TMEM178B: variants seen among roughly 807,000 people sequenced by gnomAD.
TMEM178B encodes transmembrane protein 178B.
A neutral mutation model predicts 31.0 loss-of-function variants in TMEM178B; 5 were observed. That is an observed-to-expected ratio of 0.16 (90% confidence interval 0.08 to 0.34). TMEM178B has a LOEUF of 0.34. Among genes scored for constraint, TMEM178B ranks in the 10% least tolerant of loss-of-function variants. The pLI, the probability that TMEM178B is intolerant of heterozygous loss-of-function variation, is 1.00. For synonymous variants in TMEM178B, 164 were observed against 164.0 expected (o/e 1.00, Z 0.00); for missense variants, 275 against 400.3 (o/e 0.69, Z 2.67).
intron 2 of TMEM178B, among the ~76,000 whole-genome samples, chr7:141,420,162 C>G (rs1801177390): frequency 6.6e-6 from 1 of 151,080 alleles, no homozygotes; most frequent in Admixed American, 6.6e-5. Flanking sequence ...CCCCAACCTA[C>G]TTAATTTTTT....
intron 1 of TMEM178B, among the ~76,000 whole-genome samples, chr7:141,119,618 G>A (rs551475016): frequency 2.0e-5 from 3 of 152,304 alleles, no homozygotes; most frequent in South Asian, 4.1e-4. Context: ...TATTTTGCAG[G>A]TATATTTGTT....
chr7:141,296,218 C>A (rs10808013), intron 2 of TMEM178B, among the ~76,000 whole-genome samples: 58,636 of 151,454 alleles, frequency 0.39, 12,102 homozygotes, highest in Admixed American at 0.48. Context: ...TAGTTGCGTA[C>A]CATCACGCTC....
At chr7:141,361,807 A>G (rs1192256139) in intron 2 of TMEM178B, among the ~76,000 whole-genome samples, 1 of 152,242 alleles carries the variant, frequency 6.6e-6, no homozygotes, top group Non-Finnish European at 1.5e-5. Flanking sequence ...AGAGTAGGAA[A>G]ACAAAAGAAA....
intron 2 of TMEM178B, among the ~76,000 whole-genome samples, chr7:141,285,653 A>G (rs1798437115): frequency 1.3e-5 from 2 of 152,208 alleles, no homozygotes; most frequent in Non-Finnish European, 2.9e-5. Context: ...ACGTATGTTT[A>G]TTGCAGCACT....
intron 2 of TMEM178B, among the ~76,000 whole-genome samples, chr7:141,408,912 A>G (rs1025408627): frequency 6.6e-6 from 1 of 152,174 alleles, no homozygotes; most frequent in Admixed American, 6.6e-5. Context: ...GAGAGCCTCC[A>G]TGAGTTGGGG....
chr7:141,202,050 A>T (rs889419894), intron 1 of TMEM178B, among the ~76,000 whole-genome samples: 17 of 152,266 alleles, frequency 1.1e-4, no homozygotes, highest in African/African-American at 4.1e-4. Flanking sequence ...ATACGTCTCT[A>T]AGCTTCTCAG....
At chr7:141,413,510 A>C (rs1801034044) in intron 2 of TMEM178B, among the ~76,000 whole-genome samples, 1 of 152,168 alleles carries the variant, frequency 6.6e-6, no homozygotes, top group Non-Finnish European at 1.5e-5. Context: ...GTTAAAGAAA[A>C]AGTGCTCTGT....
At chr7:141,099,754 C>T (rs564172425) in intron 1 of TMEM178B, among the ~76,000 whole-genome samples, 308 of 152,012 alleles carry the variant, frequency 2.0e-3, no homozygotes, top group Non-Finnish European at 3.5e-3. Context: ...AAAGCATTGA[C>T]TCCTATATCC....
At chr7:141,398,672 T>A (rs1303083908) in intron 2 of TMEM178B, among the ~76,000 whole-genome samples, 1 of 152,164 alleles carries the variant, frequency 6.6e-6, no homozygotes, top group East Asian at 1.9e-4. Context: ...TTTGCTGGAA[T>A]AATTTGATGG....
At position 141,074,234 on chromosome 7, in the gene TMEM178B, C is replaced by T. The variant is rs1478365564; in HGVS notation, c.-77C>T. 6.3e-6 allele frequency: 9 copies of T among 1,436,740 alleles called. No homozygotes were observed. The highest frequency in any genetic ancestry group is 8.2e-6 in the Non-Finnish European group (9 of 1,098,600). The allele number at this position is 1,436,740 out of a possible 1,614,324, so 89.0% of individuals were successfully genotyped here. On this transcript the variant is annotated 5_prime_UTR_variant, in exon 1 of 4. Transcript: ENST00000565468. This position sits in a 1 kb window ranked among gnomAD's most constrained non-coding sequence, Gnocchi z 5.1. ...CCCCCTCCCCCAGCTCGGCCGCCCG[C>T]CGCTTTGTTCCGGGTGCGGCGAGGG...
intron 1 of TMEM178B, among the ~76,000 whole-genome samples, chr7:141,090,838 G>A (rs1794869320): frequency 6.6e-6 from 1 of 152,106 alleles, no homozygotes; most frequent in Non-Finnish European, 1.5e-5. Flanking sequence ...CACTCCTTAG[G>A]GTCTTACCGA....
chr7:141,176,738 A>G (rs1208595185), intron 1 of TMEM178B, among the ~76,000 whole-genome samples: 1 of 152,068 alleles, frequency 6.6e-6, no homozygotes, highest in Non-Finnish European at 1.5e-5. Flanking sequence ...TTTCTGGTTT[A>G]TTTGCATAGA....
chr7:141,101,640 T>C (rs984128042), intron 1 of TMEM178B, among the ~76,000 whole-genome samples: 1 of 152,242 alleles, frequency 6.6e-6, no homozygotes, highest in African/African-American at 2.4e-5. Context: ...GAGAGACTGA[T>C]GGATAACAGA....
chr7:141,498,517 A>G, the TMEM178B span, among the ~76,000 whole-genome samples: 11 of 152,366 alleles, frequency 7.2e-5, no homozygotes, highest in Non-Finnish European at 1.2e-4. Flanking sequence ...CAGCCTCAAA[A>G]GAACAGAAGA....
intron 1 of TMEM178B, among the ~76,000 whole-genome samples, chr7:141,135,800 TA>T (rs1341559075): frequency 6.6e-6 from 1 of 152,124 alleles, no homozygotes; most frequent in Non-Finnish European, 1.5e-5. Context: ...TCAAATAACC[TA>T]ATGATGCACC....
chr7:141,297,299 T>C (rs1169460478), intron 2 of TMEM178B, among the ~76,000 whole-genome samples: 2 of 152,154 alleles, frequency 1.3e-5, no homozygotes, highest in Non-Finnish European at 2.9e-5. Flanking sequence ...GCCCAAGCAG[T>C]GTTGTGGGAG....
chr7:141,404,973 C>T (rs1004099851), intron 2 of TMEM178B, among the ~76,000 whole-genome samples: 3 of 152,224 alleles, frequency 2.0e-5, no homozygotes, highest in Non-Finnish European at 2.9e-5. Flanking sequence ...CACCCCCTTG[C>T]AGTATGTGGG....
At chr7:141,111,876 A>G (rs576670269) in intron 1 of TMEM178B, among the ~76,000 whole-genome samples, 3 of 152,328 alleles carry the variant, frequency 2.0e-5, no homozygotes, top group South Asian at 4.1e-4. Context: ...GTGTTTGCCT[A>G]TATCAATATT....
At chr7:141,322,038 G>A (rs549303328) in intron 2 of TMEM178B, among the ~76,000 whole-genome samples, 5 of 152,236 alleles carry the variant, frequency 3.3e-5, no homozygotes, top group East Asian at 1.9e-4. Context: ...CAAGTTAGAC[G>A]CTTACAGATT....
Sources: gnomAD v4.1 joint callset for allele counts (sites outside exome capture counted in the v4.1 genomes callset) on GRCh38, gnomAD v4.1.1 for gene constraint, Gnocchi (gnomAD v3.1) non-coding constraint, MANE v1.5 for transcripts, NCBI Gene and HGNC (gene_info 2026-07-23, HGNC 2026-07-21) for gene names.